The following ERC2 variants were observed in gnomAD, a reference collection of about 807,000 sequenced individuals.
ERC2 encodes the protein ERC protein 2.
Under a neutral mutation model 114.8 loss-of-function variants are expected in ERC2, and 42 were observed. That is an observed-to-expected ratio of 0.37 (90% CI 0.29 to 0.47). ERC2 has a LOEUF of 0.47. Among genes scored for constraint, ERC2 ranks in the 20% least tolerant of loss-of-function variants. The probability of loss-of-function intolerance (pLI) is 0.99; values close to 1 mark genes in which losing one functional copy is unlikely to be tolerated. For missense variants in ERC2, 939 were observed against 1,150.7 expected, an observed-to-expected ratio of 0.82 and a Z score of 2.66; for synonymous variants, 454 against 425.5, an observed-to-expected ratio of 1.07 and a Z score of -0.82.
chr3:56,231,371 C>G (rs1028090113), intron 3 of ERC2, among the ~76,000 whole-genome samples: 1 of 152,228 alleles, frequency 6.6e-6, no homozygotes, highest in Non-Finnish European at 1.5e-5. Context: ...CCAAGCCTTT[C>G]ACCTGTGTAC....
At chr3:55,514,238 A>T (rs1034920500) in intron 17 of ERC2, among the ~76,000 whole-genome samples, 1 of 152,158 alleles carries the variant, frequency 6.6e-6, no homozygotes, top group Non-Finnish European at 1.5e-5. Flanking sequence ...CTCCACAAAA[A>T]AAGTTAAAAA....
chr3:56,347,568 C>A (rs2058357553), intron 2 of ERC2, among the ~76,000 whole-genome samples: 1 of 152,048 alleles, frequency 6.6e-6, no homozygotes, highest in Non-Finnish European at 1.5e-5. Context: ...TTTCTGGAAC[C>A]AGCCTCATTG....
At chr3:55,561,722 C>A (rs911142725) in intron 17 of ERC2, among the ~76,000 whole-genome samples, 31 of 152,256 alleles carry the variant, frequency 2.0e-4, no homozygotes, top group African/African-American at 7.2e-4. Context: ...ATAGCACCCC[C>A]AATTTACTCT....
At chr3:56,066,645 T>C (rs2076496197) in intron 7 of ERC2, among the ~76,000 whole-genome samples, 1 of 152,216 alleles carries the variant, frequency 6.6e-6, no homozygotes, top group African/African-American at 2.4e-5. Context: ...ATTTCCTGAA[T>C]GGTACCGCCT....
intron 3 of ERC2, among the ~76,000 whole-genome samples, chr3:56,252,595 A>T (rs905382027): frequency 6.6e-6 from 1 of 151,962 alleles, no homozygotes; most frequent in Non-Finnish European, 1.5e-5. Flanking sequence ...TCTCTACTAA[A>T]AATGCAAAAC....
At chr3:56,230,863 A>G (rs1366305336) in intron 3 of ERC2, among the ~76,000 whole-genome samples, 1 of 152,234 alleles carries the variant, frequency 6.6e-6, no homozygotes, top group Non-Finnish European at 1.5e-5. Context: ...CAGGACACAC[A>G]TTACCTCTTA....
chr3:55,687,423 C>T (rs2062390665), intron 16 of ERC2, among the ~76,000 whole-genome samples: 2 of 151,502 alleles, frequency 1.3e-5, no homozygotes, highest in Non-Finnish European at 2.9e-5. Flanking sequence ...GAGTTGATAG[C>T]TGGCTTTTTT....
chr3:56,036,762 T>C (rs1049911400), intron 7 of ERC2, among the ~76,000 whole-genome samples: 1 of 152,100 alleles, frequency 6.6e-6, no homozygotes, highest in East Asian at 1.9e-4. Context: ...CTGTACAACC[T>C]GCAAATCAGG....
In ERC2 at chr3:56,164,894, T is replaced by C. The variant is rs543404274; in HGVS notation, c.1149+8552A>G. Among the ~76,000 whole-genome samples the C allele has an allele frequency of 1.2e-4, 18 of 152,216 alleles. No homozygotes were observed. In the East Asian group the frequency reaches 3.1e-3, roughly 26 times the overall value. The stretch of plus-strand genomic sequence containing the variant: ...CTTATTGGCCATTTGTATGTCTTCT[T>C]TGGAGAAATGTCTAATTAAATCTTT... On this transcript the variant is annotated intron_variant, in intron 4 of 17. Coordinates refer to ENST00000288221, the MANE Select transcript of ERC2 (RefSeq NM_015576.3).
At chr3:55,699,955 TG>T (rs2063134996) in intron 15 of ERC2, among the ~76,000 whole-genome samples, 1 of 152,134 alleles carries the variant, frequency 6.6e-6, no homozygotes, top group Admixed American at 6.5e-5. Context: ...AGATAAACAA[TG>T]GTCTCACAAG....
intron 14 of ERC2, among the ~76,000 whole-genome samples, chr3:55,759,522 T>TAAACATGGTAGTTTCCATTCTCAA (rs2067291297): frequency 9.2e-6 from 1 of 108,532 alleles, no homozygotes; most frequent in Non-Finnish European, 2.0e-5. Context: ...ATAAGTATGA[T>TAAACATGGTAGTTTCCATTCTCAA]AAACATGGTA....
rs1344602738 is a variant in ERC2, at chr3:56,275,676, A to G, written c.1074+20343T>C. On this transcript the variant is annotated intron_variant, in intron 3 of 17. Transcript: ENST00000288221. ...GATTCTAATTCCAGAGGCCTGGGAC[A>G]CAGCTCTTAGCTAGCAAACTCCCAG... Among the ~76,000 whole-genome samples, 4 of 152,224 alleles carry G rather than the reference A, an allele frequency of 2.6e-5. No individual in the cohort carries two copies. In the East Asian group the frequency reaches 7.7e-4, roughly 29 times the overall value.
chr3:56,448,552 G>A (rs530165958), intron 1 of ERC2, among the ~76,000 whole-genome samples: 15 of 152,172 alleles, frequency 9.9e-5, no homozygotes, highest in South Asian at 2.1e-4. Flanking sequence ...CATACCCCAC[G>A]GGCCTCATAC....
intron 17 of ERC2, among the ~76,000 whole-genome samples, chr3:55,597,820 C>T (rs959964011): frequency 1.3e-5 from 2 of 152,212 alleles, no homozygotes; most frequent in African/African-American, 4.8e-5. Flanking sequence ...GAGATATAGA[C>T]CTTGCCCCTA....
intron 15 of ERC2, among the ~76,000 whole-genome samples, chr3:55,703,463 A>C (rs908949301): frequency 6.6e-6 from 1 of 152,190 alleles, no homozygotes; most frequent in Non-Finnish European, 1.5e-5. Flanking sequence ...CGCCTCTTCC[A>C]CTGCTTTCAG....
intron 3 of ERC2, among the ~76,000 whole-genome samples, chr3:56,193,717 T>C (rs1486862678): frequency 1.3e-5 from 2 of 152,136 alleles, no homozygotes; most frequent in Non-Finnish European, 2.9e-5. Flanking sequence ...AGTACTATTA[T>C]TATCCCCATT....
intron 2 of ERC2, among the ~76,000 whole-genome samples, chr3:56,367,928 G>A (rs1313675931): frequency 7.3e-6 from 1 of 136,838 alleles, no homozygotes; most frequent in African/African-American, 2.7e-5. Flanking sequence ...GAGCCCAGGA[G>A]AGACTCCATC....
chr3:55,949,333 G>A (rs1224432365), intron 13 of ERC2, among the ~76,000 whole-genome samples: 1 of 151,876 alleles, frequency 6.6e-6, no homozygotes, highest in African/African-American at 2.4e-5. Context: ...TCGCGCCACT[G>A]CTCTCCAGTC....
chr3:56,292,462 T>C (rs928343606), intron 3 of ERC2, among the ~76,000 whole-genome samples: 5 of 149,176 alleles, frequency 3.4e-5, no homozygotes, highest in African/African-American at 9.9e-5. Context: ...TCGTGGCACA[T>C]GCCTGTAGTC....
Sources: gnomAD v4.1 joint callset for allele counts (sites outside exome capture counted in the v4.1 genomes callset) on GRCh38, gnomAD v4.1.1 for gene constraint, MANE v1.5 for transcripts, NCBI Gene and HGNC (gene_info 2026-07-23, HGNC 2026-07-21) for gene names.